Variants in MRPL3 observed in about 807,000 individuals in gnomAD.
The protein encoded by MRPL3 is mitochondrial ribosomal protein L3.
A neutral mutation model predicts 44.3 loss-of-function variants in MRPL3; 43 were observed. The ratio of observed to expected loss-of-function variants is 0.97; its 90% CI spans 0.76 to 1.25. The LOEUF (loss-of-function observed/expected upper bound fraction) is 1.25, where lower values mean the gene tolerates loss of function less well. Among genes scored for constraint, MRPL3 ranks in the 50% most tolerant of loss-of-function variants. The probability of loss-of-function intolerance (pLI) is 0.00; values close to 1 mark genes in which losing one functional copy is unlikely to be tolerated. For missense variants in MRPL3, 406 were observed against 427.6 expected (o/e 0.95, Z 0.45); for synonymous variants, 171 against 152.3 (o/e 1.12, Z -0.91).
intron 6 of MRPL3, among the ~76,000 whole-genome samples, chr3:131,474,750 G>A (rs1016629179): frequency 1.3e-4 from 19 of 149,062 alleles, no homozygotes; most frequent in African/African-American, 4.4e-4. Context: ...TTCTCAGACT[G>A]TACTAGACTT....
chr3:131,480,487 C>T (rs1432406660), intron 6 of MRPL3, among the ~76,000 whole-genome samples: 1 of 152,190 alleles, frequency 6.6e-6, no homozygotes, highest in Non-Finnish European at 1.5e-5. Context: ...CCATAAACTT[C>T]CCATCAATAA....
At chr3:131,473,900 A>G (rs1211214183) in intron 6 of MRPL3, among the ~76,000 whole-genome samples, 1 of 152,190 alleles carries the variant, frequency 6.6e-6, no homozygotes, top group Non-Finnish European at 1.5e-5. Context: ...TCAAAAAGAC[A>G]AAAGAAAACA....
intron 6 of MRPL3, among the ~76,000 whole-genome samples, chr3:131,476,278 A>T (rs946353608): frequency 1.3e-5 from 2 of 152,158 alleles, no homozygotes; most frequent in Non-Finnish European, 2.9e-5. Flanking sequence ...AACATGACAA[A>T]TTATTGGCTG....
At chr3:131,500,012 T>TA (rs1032522005) in intron 3 of MRPL3, among the ~76,000 whole-genome samples, 2 of 152,172 alleles carry the variant, frequency 1.3e-5, no homozygotes, top group Admixed American at 1.3e-4. Context: ...CACTAGACTA[T>TA]AGCTTACCTT....
At chr3:131,466,504 T>C (rs1933604490) in intron 9 of MRPL3, among the ~76,000 whole-genome samples, 1 of 152,122 alleles carries the variant, frequency 6.6e-6, no homozygotes, top group African/African-American at 2.4e-5. Context: ...TCGGTACAAA[T>C]TTTTTACTTT....
Position 131,471,103 on chromosome 3 carries a change from G to A in MRPL3, c.738+68C>T, listed in dbSNP as rs16836775. 4,830 of 1,074,206 alleles carry A rather than the reference G, an allele frequency of 4.5e-3. 149 individuals carry two copies. The African/African-American group carries it at 0.067, about 15-fold the overall frequency. The allele number at this position is 1,074,206 out of a possible 1,614,324, so 66.5% of individuals were successfully genotyped here. On this transcript the variant is annotated intron_variant, in intron 7 of 9. Coordinates refer to ENST00000264995, the MANE Select transcript of MRPL3 (RefSeq NM_007208.4). ...AATTATGTGACTTCATATCAAGGAC[G>A]GACTGAGGACTACATGTGCAGAAGT...
intron 9 of MRPL3, among the ~76,000 whole-genome samples, chr3:131,467,023 C>T (rs1275226549): frequency 6.6e-6 from 1 of 152,076 alleles, no homozygotes; most frequent in Non-Finnish European, 1.5e-5. Flanking sequence ...CTGGTAAAAC[C>T]ATTCTGTTCT....
chr3:131,487,559 A>G (rs1306386915), intron 6 of MRPL3, 121 bp downstream of exon 6: 1 of 799,112 alleles, frequency 1.3e-6, no homozygotes, highest in Non-Finnish European at 2.0e-6. Flanking sequence ...ATTTGAATTC[A>G]GAATGAGAAA....
At chr3:131,494,125 T>C (rs1399908634) in intron 4 of MRPL3, among the ~76,000 whole-genome samples, 2 of 152,330 alleles carry the variant, frequency 1.3e-5, no homozygotes, top group East Asian at 1.9e-4. Context: ...GGCTCTCCAG[T>C]GGAGCCTACA....
rs1390362301 is a variant in MRPL3 at position 131,471,296 on chromosome 3, T to C, written c.630-17A>G. ...TTACCAATACTGAACAAAACAAACG[T>C]TAGAATTTACATAATGAAAAGAGCA... On this transcript the variant is annotated splice_polypyrimidine_tract_variant and intron_variant, in intron 6 of 9. Transcript: ENST00000264995. 1 of 1,541,374 alleles carries C rather than the reference T, an allele frequency of 6.5e-7. No homozygotes were observed. The highest frequency in any genetic ancestry group is 9.0e-7 in the Non-Finnish European group (1 of 1,113,960).
chr3:131,485,742 A>C (rs535834023), intron 6 of MRPL3, among the ~76,000 whole-genome samples: 42 of 152,320 alleles, frequency 2.8e-4, no homozygotes, highest in African/African-American at 9.9e-4. Context: ...TAAATAGCGA[A>C]ATGAAGGTTA....
At chr3:131,474,515 T>C (rs372239586) in intron 6 of MRPL3, among the ~76,000 whole-genome samples, 1 of 152,082 alleles carries the variant, frequency 6.6e-6, no homozygotes, top group Non-Finnish European at 1.5e-5. Flanking sequence ...TTATTATATA[T>C]TACAAAACAG....
chr3:131,471,646 G>C (rs1193285194), intron 6 of MRPL3, among the ~76,000 whole-genome samples: 1 of 152,136 alleles, frequency 6.6e-6, no homozygotes, highest in Non-Finnish European at 1.5e-5. Context: ...GATATGGCAA[G>C]CAGCCATTAA....
chr3:131,477,818 A>T (rs900485731), intron 6 of MRPL3, among the ~76,000 whole-genome samples: 3 of 152,200 alleles, frequency 2.0e-5, no homozygotes, highest in African/African-American at 7.2e-5. Context: ...TTTCTATAGG[A>T]TCTTTTAAAA....
intron 6 of MRPL3, among the ~76,000 whole-genome samples, chr3:131,473,417 G>C (rs1441275278): frequency 4.0e-5 from 6 of 150,118 alleles, no homozygotes; most frequent in Admixed American, 1.3e-4. Context: ...ATGGATTAAA[G>C]ACTTAATGAA....
intron 3 of MRPL3, 39 bp downstream of exon 3, chr3:131,500,391 A>G (rs1173605738): frequency 6.6e-7 from 1 of 1,511,644 alleles, no homozygotes. Flanking sequence ...AGATCTTGAA[A>G]CACATAGATA....
chr3:131,473,542 A>C (rs536038546), intron 6 of MRPL3, among the ~76,000 whole-genome samples: 1 of 152,232 alleles, frequency 6.6e-6, no homozygotes, highest in East Asian at 1.9e-4. Context: ...AAGAAAAGAC[A>C]CATTACATCA....
rs558551297 is a variant in MRPL3 at position 131,467,661 on chromosome 3, C to T, written c.894+430G>A. Among the ~76,000 whole-genome samples the T allele has an allele frequency of 5.9e-5, 9 of 152,192 alleles. No individual in the cohort carries two copies. The South Asian group carries it at 1.9e-3, about 32-fold the overall frequency. ...TGTCCATCTCTCCTTCCCCTTTTGC[C>T]ATGATTGTAAGTTTCCTGAGGCCTC... On this transcript the variant is annotated intron_variant, in intron 9 of 9. Coordinates refer to ENST00000264995, the MANE Select transcript of MRPL3 (RefSeq NM_007208.4).
intron 9 of MRPL3, among the ~76,000 whole-genome samples, chr3:131,465,354 T>C (rs1280335373): frequency 6.6e-6 from 1 of 152,234 alleles, no homozygotes; most frequent in African/African-American, 2.4e-5. Flanking sequence ...TAAATGTTAC[T>C]GGTTATCAAC....
Sources: gnomAD v4.1 joint callset for allele counts (sites outside exome capture counted in the v4.1 genomes callset) on GRCh38, gnomAD v4.1.1 for gene constraint, MANE v1.5 for transcripts, NCBI Gene and HGNC (gene_info 2026-07-23, HGNC 2026-07-21) for gene names.